Variants in CNKSR2 observed in about 807,000 individuals in gnomAD.
CNKSR2 encodes the protein CNK homolog protein 2.
CNKSR2 carries 14 observed loss-of-function variants against 84.4 expected under a neutral mutation model. That is an observed-to-expected ratio of 0.17 (90% CI 0.11 to 0.26). CNKSR2 has a LOEUF of 0.26. Ranked by LOEUF, CNKSR2 falls within the 10% of genes least tolerant of loss-of-function variation. The probability of loss-of-function intolerance (pLI) is 1.00; values close to 1 mark genes in which losing one functional copy is unlikely to be tolerated. For missense variants in CNKSR2, 485 were observed against 771.2 expected, an observed-to-expected ratio of 0.63 and a Z score of 4.40; for synonymous variants, 275 against 277.9, an observed-to-expected ratio of 0.99 and a Z score of 0.10.
chrX:21,539,841 T>C (rs1246723881), intron 11 of CNKSR2, among the ~76,000 whole-genome samples: 1 of 111,825 alleles, frequency 8.9e-6, no homozygotes, highest in Non-Finnish European at 1.9e-5. Flanking sequence ...ATGTAGATAC[T>C]TGTAGATACT....
intron 6 of CNKSR2, chrX:21,493,871 A>G (rs940846027): frequency 8.9e-6 from 1 of 111,960 alleles, no homozygotes; most frequent in Non-Finnish European, 1.9e-5. Flanking sequence ...CAGTTACAAC[A>G]TGGTTTATTG....
chrX:21,652,455 T>C lies in CNKSR2; in HGVS notation c.3039T>C (p.Ser1013=), dbSNP rs1426634867. The C allele has an allele frequency of 8.3e-7, 1 of 1,210,619 alleles. No individual in the cohort carries two copies. ...CCTCAAATGACCCACTGAGTATTTC[T>C]TCTGAAGTAGATGTAATCACTTCCT... is the stretch of plus-strand genomic sequence containing the variant. ...NTTSNDPLSI[S]SEVDVITSSL... The change falls in exon 22 of 22, where the codon TCT becomes TCC. Residue 1013 remains serine, a synonymous_variant. Transcript: ENST00000379510.
chrX:21,551,633 G>A (rs775370314), intron 11 of CNKSR2, among the ~76,000 whole-genome samples: 25 of 111,703 alleles, frequency 2.2e-4, no homozygotes, highest in Non-Finnish European at 4.0e-4. Context: ...GGTAATTTCC[G>A]GGGACAATTT....
intron 9 of CNKSR2, among the ~76,000 whole-genome samples, chrX:21,523,264 A>G (rs921115701): frequency 1.8e-5 from 2 of 110,996 alleles, no homozygotes; most frequent in Non-Finnish European, 3.8e-5. Context: ...AAGTGGATCC[A>G]TGTCATACTT....
intron 1 of CNKSR2, 97 bp downstream of exon 1, chrX:21,375,058 C>T: frequency 2.7e-6 from 2 of 735,994 alleles, no homozygotes; most frequent in Admixed American, 2.3e-5. Flanking sequence ...CCCGCCACCG[C>T]GGCTTCCACT....
intron 20 of CNKSR2, among the ~76,000 whole-genome samples, chrX:21,622,171 T>C (rs1435044214): frequency 9.0e-6 from 1 of 111,410 alleles, no homozygotes; most frequent in Non-Finnish European, 1.9e-5. Flanking sequence ...AAATTGTCAT[T>C]GAAGGCATTA....
chrX:21,440,988 C>A, intron 4 of CNKSR2: 1 of 291,662 alleles, frequency 3.4e-6, no homozygotes, highest in Admixed American at 6.1e-5. Flanking sequence ...TAAAAGGAAC[C>A]TGACCTGTAC....
intron 4 of CNKSR2, among the ~76,000 whole-genome samples, chrX:21,464,774 G>A (rs1373954979): frequency 9.0e-6 from 1 of 111,730 alleles, no homozygotes; most frequent in Non-Finnish European, 1.9e-5. Context: ...TCTTCCCCAA[G>A]GAAAGTCAAG....
At chrX:21,424,695 T>A (rs1303277024) in intron 1 of CNKSR2, 1 of 112,141 alleles carries the variant, frequency 8.9e-6, no homozygotes, top group Non-Finnish European at 1.9e-5. Context: ...TTGAGGTCTG[T>A]GTCTTATTTA....
intron 1 of CNKSR2, among the ~76,000 whole-genome samples, chrX:21,422,657 CAA>C (rs759436411): frequency 2.7e-5 from 3 of 111,914 alleles, no homozygotes; most frequent in Non-Finnish European, 5.6e-5. Context: ...TTGTGTTTAT[CAA>C]AAGAGTTTAT....
chrX:21,493,825 A>T lies in CNKSR2; in HGVS notation c.681+3247A>T, dbSNP rs2091466019. 3 of 111,767 alleles carry T rather than the reference A, an allele frequency of 2.7e-5. No individual in the cohort carries two copies. In the Admixed American group the frequency reaches 2.9e-4, roughly 11 times the overall value. 9.2% of individuals were successfully genotyped at this position (111,767 alleles called of 1,213,427 possible). On this transcript the variant is annotated intron_variant, in intron 6 of 21. Coordinates refer to ENST00000379510, the MANE Select transcript of CNKSR2 (RefSeq NM_014927.5). ...TCATTACTACTATGAGAGGGAGATT[A>T]AAAAAGACAAAGAAGTCAGTTTTGA...
At chrX:21,449,856 C>A (rs1222452089) in intron 4 of CNKSR2, among the ~76,000 whole-genome samples, 2 of 112,037 alleles carry the variant, frequency 1.8e-5, no homozygotes, top group Non-Finnish European at 3.8e-5. Context: ...CAAAACAAGT[C>A]ATATAGCCAT....
rs768497403 is a variant in CNKSR2, at chrX:21,473,745, G to GTTTTTTTTTT, written c.561+2948_561+2957dup. Reference sequence around the variant, plus strand: ...TAGGTTTTTTGTTGTTGTTGGTTTGGTTTTTTTTTTTTTTTTTTTGAGACA... The same window carrying GTTTTTTTTTT: ...TAGGTTTTTTGTTGTTGTTGGTTTGGTTTTTTTTTTTTTTTTTTTTTTTTTTTTTGAGACA... On this transcript the variant is annotated intron_variant, in intron 5 of 21. Coordinates refer to ENST00000379510, the MANE Select transcript of CNKSR2 (RefSeq NM_014927.5). Among the ~76,000 whole-genome samples, 2 of 67,202 alleles carry GTTTTTTTTTT rather than the reference G, an allele frequency of 3.0e-5. 1 individual carries two copies. Among genetic ancestry groups the GTTTTTTTTTT allele is most frequent in the African/African-American group, 2.1e-4 (2 of 9,709 alleles). 58.4% of individuals were successfully genotyped at this position (67,202 alleles called of 115,157 possible). A position where few individuals can be genotyped will look rare whatever the true frequency, so the allele number is the denominator to read the frequency against.
intron 20 of CNKSR2, among the ~76,000 whole-genome samples, chrX:21,623,101 AGTTT>A (rs2092608908): frequency 9.0e-6 from 1 of 111,324 alleles, no homozygotes; most frequent in African/African-American, 3.3e-5. Context: ...GATTTCTAAT[AGTTT>A]GTTTTTGTTA....
intron 9 of CNKSR2, among the ~76,000 whole-genome samples, chrX:21,525,629 G>C (rs973998611): frequency 9.0e-6 from 1 of 110,846 alleles, no homozygotes; most frequent in African/African-American, 3.3e-5. Context: ...GCCTACCCCA[G>C]TGACTTACAT....
intron 13 of CNKSR2, among the ~76,000 whole-genome samples, chrX:21,582,852 C>T (rs1200274492): frequency 9.0e-6 from 1 of 111,287 alleles, no homozygotes; most frequent in East Asian, 2.8e-4. Flanking sequence ...TCCTACATTA[C>T]CACTGTGTAG....
chrX:21,462,531 C>T (rs1180823745), intron 4 of CNKSR2, among the ~76,000 whole-genome samples: 1 of 110,587 alleles, frequency 9.0e-6, no homozygotes, highest in Non-Finnish European at 1.9e-5. Flanking sequence ...TTATTTATTT[C>T]TGTTGCCTAA....
At chrX:21,566,213 G>T (rs913839148) in intron 13 of CNKSR2, among the ~76,000 whole-genome samples, 4 of 111,824 alleles carry the variant, frequency 3.6e-5, no homozygotes, top group Non-Finnish European at 7.5e-5. Context: ...TAAGTTAGGG[G>T]AAACATACTG....
intron 13 of CNKSR2, among the ~76,000 whole-genome samples, chrX:21,571,135 A>G (rs1011094516): frequency 2.7e-5 from 3 of 112,542 alleles, no homozygotes; most frequent in Admixed American, 9.4e-5. Flanking sequence ...TGTTTCATCT[A>G]TATTGCAAAT....
Sources: allele counts gnomAD v4.1 joint callset (sites outside exome capture counted in the v4.1 genomes callset), GRCh38; gene constraint gnomAD v4.1.1; transcripts MANE v1.5; gene names NCBI Gene and HGNC (gene_info 2026-07-23, HGNC 2026-07-21).